GADL1: variants seen among roughly 807,000 people sequenced by gnomAD.
The protein encoded by GADL1 is acidic amino acid decarboxylase GADL1.
In GADL1, 71 loss-of-function variants were observed where a neutral mutation model predicts 69.5. The observed-to-expected ratio is 1.02, with a 90% confidence interval of 0.84 to 1.25. GADL1 has a LOEUF of 1.25. Among genes scored for constraint, GADL1 ranks in the 50% most tolerant of loss-of-function variants. The pLI is 0.00. For missense variants in GADL1, 737 were observed against 631.8 expected (o/e 1.17, Z -1.79); for synonymous variants, 254 against 214.4 (o/e 1.18, Z -1.62).
chr3:30,761,108 G>A (rs1696117765), intron 14 of GADL1, among the ~76,000 whole-genome samples: 2 of 152,160 alleles, frequency 1.3e-5, no homozygotes, highest in African/African-American at 4.8e-5. Context: ...ATTTAATGAA[G>A]GATCTCTGAA....
chr3:30,727,890 T>C lies in GADL1; in HGVS notation c.*352A>G, dbSNP rs1399584707. The C allele has an allele frequency of 6.2e-6, 1 of 160,464 alleles. No individual in the cohort carries two copies. Among genetic ancestry groups the C allele is most frequent in the Non-Finnish European group, 1.4e-5 (1 of 73,362 alleles). The allele number at this position is 160,464 out of a possible 1,614,324, so 9.9% of individuals were successfully genotyped here. Reference sequence around the variant, plus strand: ...TGCTGATAGTCCAGGGACCACACTTTGAGAACCACTGCTTTAAACCGTTAG... The same window carrying C: ...TGCTGATAGTCCAGGGACCACACTTCGAGAACCACTGCTTTAAACCGTTAG... On this transcript the variant is annotated 3_prime_UTR_variant, in exon 15 of 15. Coordinates refer to ENST00000282538, the MANE Select transcript of GADL1 (RefSeq NM_207359.3).
chr3:30,786,480 A>G, intron 12 of GADL1, 74 bp from the exon 13 acceptor site: 1 of 784,812 alleles, frequency 1.3e-6, no homozygotes, highest in East Asian at 2.6e-5. Context: ...ATATGACAAA[A>G]CTGATTCAGA....
intron 9 of GADL1, 65 bp from the exon 10 acceptor site, chr3:30,834,346 T>A (rs1040104829): frequency 1.2e-5 from 16 of 1,381,582 alleles, no homozygotes; most frequent in Non-Finnish European, 1.5e-5. Flanking sequence ...CAGTGGGTTG[T>A]CATAGAAAAC....
chr3:30,784,626 C>T (rs1696749114), intron 13 of GADL1, among the ~76,000 whole-genome samples: 1 of 152,162 alleles, frequency 6.6e-6, no homozygotes, highest in African/African-American at 2.4e-5. Flanking sequence ...GGACTATTGT[C>T]ATATTTCACT....
chr3:30,770,932 A>G (rs1696406113), intron 14 of GADL1, among the ~76,000 whole-genome samples: 2 of 152,188 alleles, frequency 1.3e-5, no homozygotes, highest in South Asian at 2.1e-4. Flanking sequence ...ATCTATGAAA[A>G]TGTTTAGACC....
At chr3:30,743,939 G>A (rs1321007461) in intron 14 of GADL1, among the ~76,000 whole-genome samples, 1 of 152,220 alleles carries the variant, frequency 6.6e-6, no homozygotes, top group Non-Finnish European at 1.5e-5. Context: ...CCAGACAGGG[G>A]CTCCTCCATC....
At chr3:30,872,398 C>T (rs1215320269) in intron 1 of GADL1, among the ~76,000 whole-genome samples, 1 of 151,934 alleles carries the variant, frequency 6.6e-6, no homozygotes, top group African/African-American at 2.4e-5. Flanking sequence ...CCTCTGACAT[C>T]TTGGCTGTTT....
At chr3:30,862,246 T>C (rs1351634810) in intron 1 of GADL1, among the ~76,000 whole-genome samples, 1 of 151,992 alleles carries the variant, frequency 6.6e-6, no homozygotes, top group African/African-American at 2.4e-5. Context: ...TCCCTAATCC[T>C]TTCCTCAGAG....
intron 4 of GADL1, among the ~76,000 whole-genome samples, chr3:30,854,450 G>T (rs905209488): frequency 2.0e-5 from 3 of 152,030 alleles, no homozygotes; most frequent in Non-Finnish European, 4.4e-5. Context: ...ATAAAAAATT[G>T]CCTAATCAAT....
intron 6 of GADL1, among the ~76,000 whole-genome samples, chr3:30,846,739 G>A (rs1161645135): frequency 6.6e-6 from 1 of 152,182 alleles, no homozygotes. Flanking sequence ...CAGATAGACT[G>A]AACCCAGCCT....
Position 30,861,652 on chromosome 3 carries a change from C to G in GADL1, c.151G>C (p.Glu51Gln). The G allele has an allele frequency of 6.4e-7, 1 of 1,550,462 alleles. No individual in the cohort carries two copies. The highest frequency in any genetic ancestry group is 8.7e-7 in the Non-Finnish European group (1 of 1,146,052). ...TCTTCCATTATTAGCCTACAGGCCT[C>G]TTCAACAAATTTTTCTCCAGCTTTT... ...DAKAGEKFVE[E>Q]ACRLIMEEVV... The change falls in exon 2 of 15, where the codon GAG becomes CAG. Residue 51 changes from glutamate (E) to glutamine (Q), a missense_variant. Coordinates refer to ENST00000282538, the MANE Select transcript of GADL1 (RefSeq NM_207359.3).
intron 14 of GADL1, among the ~76,000 whole-genome samples, chr3:30,777,584 A>G (rs920860135): frequency 6.6e-6 from 1 of 152,184 alleles, no homozygotes; most frequent in Non-Finnish European, 1.5e-5. Context: ...CTAGGCGAGG[A>G]GTAGATGAGA....
chr3:30,757,341 G>C (rs1300506168), intron 14 of GADL1, among the ~76,000 whole-genome samples: 1 of 152,124 alleles, frequency 6.6e-6, no homozygotes, highest in African/African-American at 2.4e-5. Context: ...GAAGGGATTA[G>C]TTAGCAAAAG....
intron 14 of GADL1, among the ~76,000 whole-genome samples, chr3:30,766,767 TAGC>T (rs1311267418): frequency 7.5e-6 from 1 of 133,056 alleles, no homozygotes; most frequent in African/African-American, 2.5e-5. Context: ...TAAATAGGAT[TAGC>T]AGAGGACAAG....
chr3:30,779,744 G>A (rs1255248644), intron 13 of GADL1, among the ~76,000 whole-genome samples: 1 of 151,828 alleles, frequency 6.6e-6, no homozygotes, highest in African/African-American at 2.4e-5. Flanking sequence ...TCACTAGATT[G>A]TGTTATGTCA....
At chr3:30,830,259 C>T (rs144942406) in intron 11 of GADL1, among the ~76,000 whole-genome samples, 9 of 152,046 alleles carry the variant, frequency 5.9e-5, no homozygotes, top group East Asian at 1.9e-4. Context: ...AAAGTCCCCC[C>T]CTGCCAGCTT....
At chr3:30,787,079 G>A (rs750636335) in intron 12 of GADL1, among the ~76,000 whole-genome samples, 31 of 152,256 alleles carry the variant, frequency 2.0e-4, no homozygotes, top group Non-Finnish European at 3.5e-4. Context: ...AGGGAAAAGA[G>A]CTAATGCATG....
chr3:30,765,974 T>G (rs1381418541), intron 14 of GADL1, among the ~76,000 whole-genome samples: 3 of 152,122 alleles, frequency 2.0e-5, no homozygotes. Context: ...TAAGAGTATA[T>G]GAAAAGGGGT....
At chr3:30,861,551 T>A (rs770020040) in intron 2 of GADL1, 42 bp downstream of exon 2, 7 of 1,435,430 alleles carry the variant, frequency 4.9e-6, no homozygotes, top group Non-Finnish European at 6.6e-6. Context: ...GGAACATCTA[T>A]CTTTCCCATT....
Sources: allele counts gnomAD v4.1 joint callset (sites outside exome capture counted in the v4.1 genomes callset), GRCh38; gene constraint gnomAD v4.1.1; transcripts MANE v1.5; gene names NCBI Gene and HGNC (gene_info 2026-07-23, HGNC 2026-07-21).